Variants in PSMB7 observed in about 807,000 individuals in gnomAD.
PSMB7 encodes the protein proteasome 20S subunit beta 7.
A neutral mutation model predicts 28.1 loss-of-function variants in PSMB7; 5 were observed. That is an observed-to-expected ratio of 0.18 (90% confidence interval 0.09 to 0.37). The LOEUF (loss-of-function observed/expected upper bound fraction) is 0.37. Among genes scored for constraint, PSMB7 ranks in the 10% least tolerant of loss-of-function variants. The pLI is 1.00. For synonymous variants in PSMB7, 122 were observed against 123.7 expected, an observed-to-expected ratio of 0.99 and a Z score of 0.09; for missense variants, 275 against 346.2, an observed-to-expected ratio of 0.79 and a Z score of 1.63.
At chr9:124,376,355 C>G (rs906772368) in intron 6 of PSMB7, among the ~76,000 whole-genome samples, 1 of 151,472 alleles carries the variant, frequency 6.6e-6, no homozygotes, top group African/African-American at 2.4e-5. Context: ...ATATAACAAT[C>G]ACAAGCTATT....
At chr9:124,377,224 G>C (rs982874322) in intron 6 of PSMB7, among the ~76,000 whole-genome samples, 1 of 152,162 alleles carries the variant, frequency 6.6e-6, no homozygotes, top group Admixed American at 6.5e-5. Flanking sequence ...TCTCTGTTCC[G>C]ATCGCACAGA....
intron 4 of PSMB7, among the ~76,000 whole-genome samples, chr9:124,409,053 C>A (rs1293991037): frequency 2.6e-5 from 4 of 152,142 alleles, no homozygotes; most frequent in Admixed American, 2.6e-4. Flanking sequence ...GTGTAACAAT[C>A]TCTTAGCACT....
At chr9:124,374,938 C>T (rs941111358) in intron 6 of PSMB7, among the ~76,000 whole-genome samples, 2 of 152,006 alleles carry the variant, frequency 1.3e-5, no homozygotes, top group Admixed American at 6.5e-5. Context: ...GTCAGGAGTT[C>T]GAGACCAGCC....
intron 6 of PSMB7, among the ~76,000 whole-genome samples, chr9:124,359,225 G>C (rs1368004628): frequency 6.6e-6 from 1 of 152,042 alleles, no homozygotes; most frequent in African/African-American, 2.4e-5. Context: ...CCAATTCTAG[G>C]GAAGATCATT....
At chr9:124,354,790 G>C (rs976789804) in intron 7 of PSMB7, among the ~76,000 whole-genome samples, 11 of 152,218 alleles carry the variant, frequency 7.2e-5, no homozygotes, top group African/African-American at 2.7e-4. Flanking sequence ...TGCAGTCTTA[G>C]AGCCAAAGTC....
At position 124,384,610 on chromosome 9, in the gene PSMB7, C is replaced by T. The variant is rs375702037; in HGVS notation, c.558G>A (p.Arg186=). Residue 186 remains arginine, a synonymous_variant, in exon 6 of 8, where the codon AGG becomes AGA. Coordinates refer to ENST00000259457, the MANE Select transcript of PSMB7 (RefSeq NM_002799.4). ...GGGACTTACATACCTCCATGTCTGG[C>T]CTAAACTTATCTTCAAATACAGCCA... The part of the protein sequence containing the change: ...AAMAVFEDKF[R]PDMEEEEAKN... 2 of 1,613,316 alleles carry T rather than the reference C, an allele frequency of 1.2e-6. No individual in the cohort carries two copies. Among genetic ancestry groups the T allele is most frequent in the East Asian group, 4.5e-5 (2 of 44,862 alleles).
At chr9:124,360,889 T>C (rs191988648) in intron 6 of PSMB7, among the ~76,000 whole-genome samples, 1 of 152,364 alleles carries the variant, frequency 6.6e-6, no homozygotes, top group East Asian at 1.9e-4. Flanking sequence ...TGCTATAGTT[T>C]CTGGCACATA....
chr9:124,366,214 AC>A (rs1349399050), intron 6 of PSMB7, among the ~76,000 whole-genome samples: 1 of 152,238 alleles, frequency 6.6e-6, no homozygotes, highest in Non-Finnish European at 1.5e-5. Flanking sequence ...AGAGTTTGAG[AC>A]CAGCCTGGCC....
chr9:124,413,905 T>C lies in PSMB7; in HGVS notation c.254+3A>G. On this transcript the variant is annotated splice_donor_region_variant and intron_variant, in intron 3 of 7. Coordinates refer to ENST00000259457, the MANE Select transcript of PSMB7 (RefSeq NM_002799.4). Reference sequence around the variant, plus strand: ...AGAGTTATTCAAACGAATCAATACTTACTAAATATTAGGAGATATGAAGTG... The same window carrying C: ...AGAGTTATTCAAACGAATCAATACTCACTAAATATTAGGAGATATGAAGTG... The C allele has an allele frequency of 1.3e-6, 2 of 1,579,612 alleles. No homozygotes were observed. The highest frequency in any genetic ancestry group is 1.7e-6 in the Non-Finnish European group (2 of 1,150,610).
chr9:124,372,100 A>G (rs772802981), intron 6 of PSMB7, among the ~76,000 whole-genome samples: 14 of 152,232 alleles, frequency 9.2e-5, no homozygotes, highest in Non-Finnish European at 1.6e-4. Context: ...TGCATCATAA[A>G]TAATTACCTA....
chr9:124,354,264 G>A (rs999727874), intron 7 of PSMB7, among the ~76,000 whole-genome samples: 1 of 152,208 alleles, frequency 6.6e-6, no homozygotes, highest in African/African-American at 2.4e-5. Flanking sequence ...GACACAGTGG[G>A]TCCCCACTAG....
At chr9:124,386,260 ATG>A (rs1289654473) in intron 5 of PSMB7, among the ~76,000 whole-genome samples, 1 of 152,242 alleles carries the variant, frequency 6.6e-6, no homozygotes, top group Non-Finnish European at 1.5e-5. Flanking sequence ...ACTAGCACAT[ATG>A]TGAGAGCAAA....
At chr9:124,392,654 T>A (rs1240300890) in intron 5 of PSMB7, among the ~76,000 whole-genome samples, 1 of 152,246 alleles carries the variant, frequency 6.6e-6, no homozygotes, top group Non-Finnish European at 1.5e-5. Context: ...TCCAGGCAGC[T>A]ATTTTATACA....
At chr9:124,381,539 G>A (rs1184353048) in intron 6 of PSMB7, among the ~76,000 whole-genome samples, 1 of 152,180 alleles carries the variant, frequency 6.6e-6, no homozygotes, top group Non-Finnish European at 1.5e-5. Context: ...GGAAACAGCA[G>A]GCTTAGTCAC....
At chr9:124,405,291 A>C (rs1389642826) in intron 5 of PSMB7, 26 bp downstream of exon 5, 2 of 1,504,850 alleles carry the variant, frequency 1.3e-6, no homozygotes, top group Non-Finnish European at 1.8e-6. Context: ...GAGTACTCTT[A>C]AACATCAGGA....
rs16927433 is a variant in PSMB7 at position 124,412,090 on chromosome 9, C to T, written c.395+262G>A. Among the ~76,000 whole-genome samples, 1,116 of 152,200 alleles carry T rather than the reference C, an allele frequency of 7.3e-3. 14 individuals are homozygous for T. Among genetic ancestry groups the T allele is most frequent in the African/African-American group, 0.026 (1,066 of 41,532 alleles). On this transcript the variant is annotated intron_variant, in intron 4 of 7. Coordinates refer to ENST00000259457, the MANE Select transcript of PSMB7 (RefSeq NM_002799.4). ...TTTCTTACCGTGAACAAAAAAGTTT[C>T]TCTTATCCAGTAATATCCCTATGCT...
chr9:124,356,716 G>A lies in PSMB7; in HGVS notation c.722+48C>T. On this transcript the variant is annotated intron_variant, in intron 7 of 7. Coordinates refer to ENST00000259457, the MANE Select transcript of PSMB7 (RefSeq NM_002799.4). The surrounding 1 kb of genome is among the most constrained non-coding windows in gnomAD (Gnocchi z 4.4). ...CAGATGCCATGGAGATACCAAGGGT[G>A]GCCACGACGCCAGGGGACCCAGGAA... 6.3e-7 allele frequency: 1 copy of A among 1,582,982 alleles called. No individual in the cohort carries two copies. Among genetic ancestry groups the A allele is most frequent in the Non-Finnish European group, 8.6e-7 (1 of 1,158,462 alleles).
chr9:124,393,167 G>A (rs1218233397), intron 5 of PSMB7, among the ~76,000 whole-genome samples: 2 of 152,124 alleles, frequency 1.3e-5, no homozygotes, highest in East Asian at 1.9e-4. Context: ...AAAATAAGGC[G>A]GGCACCAGGG....
chr9:124,388,805 A>G (rs1283508666), intron 5 of PSMB7, among the ~76,000 whole-genome samples: 1 of 152,056 alleles, frequency 6.6e-6, no homozygotes, highest in Non-Finnish European at 1.5e-5. Flanking sequence ...CAGTCCACAG[A>G]ACTCCCAGTC....
Sources: allele counts gnomAD v4.1 joint callset (sites outside exome capture counted in the v4.1 genomes callset), GRCh38; gene constraint gnomAD v4.1.1; non-coding constraint Gnocchi (gnomAD v3.1); transcripts MANE v1.5; gene names NCBI Gene and HGNC (gene_info 2026-07-23, HGNC 2026-07-21).